Variants in SP140 observed in about 807,000 individuals in gnomAD.
SP140 encodes nuclear body protein SP140.
In SP140, 81 loss-of-function variants were observed where a neutral mutation model predicts 125.0. The ratio of observed to expected loss-of-function variants is 0.65; its 90% CI spans 0.54 to 0.78. SP140 has a LOEUF of 0.78. SP140 is among the 30% of genes least tolerant of loss of function. The pLI, the probability that SP140 is intolerant of heterozygous loss-of-function variation, is 0.00. For missense variants in SP140, 858 were observed against 1,037.0 expected (o/e 0.83, Z 2.37); for synonymous variants, 312 against 354.0 (o/e 0.88, Z 1.33).
chr2:230,270,811 A>G, intron 15 of SP140, 172 bp downstream of exon 15: 1 of 686,202 alleles, frequency 1.5e-6, no homozygotes, highest in South Asian at 1.5e-5. Flanking sequence ...GTAATCTGCT[A>G]TCTTACATGA....
intron 12 of SP140, among the ~76,000 whole-genome samples, chr2:230,262,017 C>T (rs1424460153): frequency 6.6e-6 from 1 of 152,114 alleles, no homozygotes; most frequent in Non-Finnish European, 1.5e-5. Context: ...GGAATAGTGT[C>T]AAAAGGATTG....
chr2:230,256,347 A>C (rs532318298), intron 12 of SP140, among the ~76,000 whole-genome samples: 3 of 152,260 alleles, frequency 2.0e-5, no homozygotes. Context: ...GCAGCCATAA[A>C]AAATGATGAG....
chr2:230,278,333 A>G (rs2055026009), intron 15 of SP140, among the ~76,000 whole-genome samples: 1 of 152,058 alleles, frequency 6.6e-6, no homozygotes, highest in Non-Finnish European at 1.5e-5. Context: ...AGATTATGAC[A>G]TGCTTTTGTT....
chr2:230,250,588 A>G (rs1030354609), intron 9 of SP140, among the ~76,000 whole-genome samples: 1 of 152,134 alleles, frequency 6.6e-6, no homozygotes, highest in Middle Eastern at 3.2e-3. Context: ...AGATGGGGAA[A>G]GCCAATAAAA....
intron 3 of SP140, chr2:230,219,804 G>T: frequency 1.9e-6 from 1 of 517,236 alleles, no homozygotes; most frequent in Non-Finnish European, 2.5e-6. Context: ...TGCAGCTGCT[G>T]CCGCGAAGTT....
chr2:230,307,275 C>T (rs1275292155), intron 22 of SP140, among the ~76,000 whole-genome samples: 1 of 152,248 alleles, frequency 6.6e-6, no homozygotes, highest in Admixed American at 6.5e-5. Flanking sequence ...GCTCACCCTC[C>T]ATTTGTCAGC....
intron 12 of SP140, among the ~76,000 whole-genome samples, chr2:230,268,453 A>T (rs2053454216): frequency 6.6e-6 from 1 of 151,224 alleles, no homozygotes; most frequent in South Asian, 2.1e-4. Flanking sequence ...TGAACCCAGG[A>T]GGCGGAGGTT....
intron 1 of SP140, among the ~76,000 whole-genome samples, chr2:230,204,561 G>A (rs2043547629): frequency 6.6e-6 from 1 of 151,696 alleles, no homozygotes; most frequent in South Asian, 2.1e-4. Context: ...TCCTTTGTCA[G>A]ATCATTATTC....
In SP140 at chr2:230,237,526, A is replaced by C; in HGVS notation, c.237+266A>C. ...CAGATCATCCTAGGTACTTGTAAAC[A>C]ATCTACTAATGGTAGCCATAATTAA... On this transcript the variant is annotated intron_variant, in intron 2 of 26. Coordinates refer to ENST00000392045, the MANE Select transcript of SP140 (RefSeq NM_007237.5). The surrounding 1 kb of genome is among the most constrained non-coding windows in gnomAD (Gnocchi z 5.4). 3.2e-6 allele frequency: 1 copy of C among 314,922 alleles called. No individual in the cohort carries two copies. Among genetic ancestry groups the C allele is most frequent in the Non-Finnish European group, 5.8e-6 (1 of 173,216 alleles). The allele number at this position is 314,922 out of a possible 1,614,324, so 19.5% of individuals were successfully genotyped here.
At chr2:230,296,465 A>G (rs1374053282) in intron 21 of SP140, among the ~76,000 whole-genome samples, 1 of 152,246 alleles carries the variant, frequency 6.6e-6, no homozygotes, top group Non-Finnish European at 1.5e-5. Flanking sequence ...TGCCATGGAT[A>G]TCCAAAAGCA....
Position 230,225,776 on chromosome 2 carries a change from T to C in SP140, c.-69T>C, listed in dbSNP as rs2046233424. ...TGAGCACCGAGGGGCAGTTGGCAGCTTCACCTCAGAGCTGCAGGAAGGAAC... is the reference window on the plus strand; with the variant it reads ...TGAGCACCGAGGGGCAGTTGGCAGCCTCACCTCAGAGCTGCAGGAAGGAAC... On this transcript the variant is annotated 5_prime_UTR_variant, in exon 1 of 27. Transcript: ENST00000392045. The C allele has an allele frequency of 7.4e-7, 1 of 1,352,620 alleles. No individual in the cohort carries two copies. The highest frequency in any genetic ancestry group is 1.7e-5 in the Admixed American group (1 of 59,606). 83.8% of individuals were successfully genotyped at this position (1,352,620 alleles called of 1,614,324 possible).
At chr2:230,305,858 C>T (rs955091612) in intron 22 of SP140, among the ~76,000 whole-genome samples, 3 of 152,252 alleles carry the variant, frequency 2.0e-5, no homozygotes, top group East Asian at 1.9e-4. Flanking sequence ...GGATCTGCCC[C>T]GAGTTAGAGT....
chr2:230,284,051 A>G (rs531953068), intron 15 of SP140, among the ~76,000 whole-genome samples: 1 of 152,212 alleles, frequency 6.6e-6, no homozygotes, highest in South Asian at 2.1e-4. Context: ...AGCAACATGA[A>G]ACAGCAGTTA....
chr2:230,242,275 T>C (rs1446272687), intron 4 of SP140, among the ~76,000 whole-genome samples: 4 of 152,120 alleles, frequency 2.6e-5, no homozygotes, highest in Non-Finnish European at 5.9e-5. Context: ...GTAAAACACT[T>C]GAGAGTGAAA....
chr2:230,258,032 C>A (rs2051549454), intron 12 of SP140, among the ~76,000 whole-genome samples: 1 of 152,000 alleles, frequency 6.6e-6, no homozygotes, highest in African/African-American at 2.4e-5. Context: ...GGTTGGCTGG[C>A]TTTCAGAGGC....
rs144951114 is a variant in SP140 at position 230,312,297 on chromosome 2, G to A, written c.2506-289G>A. On this transcript the variant is annotated intron_variant, in intron 26 of 26. Coordinates refer to ENST00000392045, the MANE Select transcript of SP140 (RefSeq NM_007237.5). ...AAGATAAGTGTTCTACTTAATAATAGTGTATTTCACACTTCAACATTGTTA... is the reference window on the plus strand; with the variant it reads ...AAGATAAGTGTTCTACTTAATAATAATGTATTTCACACTTCAACATTGTTA... Among the ~76,000 whole-genome samples, 911 of 152,290 alleles carry A rather than the reference G, an allele frequency of 6.0e-3. 4 individuals are homozygous for A. Among genetic ancestry groups the A allele is most frequent in the African/African-American group, 0.021 (873 of 41,560 alleles).
chr2:230,291,180 T>G (rs1384343820), intron 19 of SP140, among the ~76,000 whole-genome samples: 1 of 152,264 alleles, frequency 6.6e-6, no homozygotes, highest in Admixed American at 6.5e-5. Context: ...AAAAAATGTC[T>G]ATTAGAATGG....
intron 4 of SP140, 122 bp downstream of exon 4, chr2:230,241,609 C>T (rs2048739266): frequency 6.0e-6 from 4 of 662,648 alleles, no homozygotes; most frequent in African/African-American, 5.4e-5. Flanking sequence ...CTCCTCCCCT[C>T]ACACAGCCAT....
intron 12 of SP140, among the ~76,000 whole-genome samples, chr2:230,264,726 C>G (rs935146878): frequency 6.6e-6 from 1 of 152,160 alleles, no homozygotes; most frequent in Non-Finnish European, 1.5e-5. Flanking sequence ...AGCCAAACTG[C>G]AGTAATTGTT....
Sources: gnomAD v4.1 joint callset for allele counts (sites outside exome capture counted in the v4.1 genomes callset) on GRCh38, gnomAD v4.1.1 for gene constraint, Gnocchi (gnomAD v3.1) non-coding constraint, MANE v1.5 for transcripts, NCBI Gene and HGNC (gene_info 2026-07-23, HGNC 2026-07-21) for gene names.